LIMD1: variants seen among roughly 807,000 people sequenced by gnomAD.
LIMD1 encodes LIM domain-containing protein 1.
LIMD1 carries 23 observed loss-of-function variants against 58.4 expected under a neutral mutation model. The ratio of observed to expected loss-of-function variants is 0.39; its 90% CI spans 0.28 to 0.56. The LOEUF is 0.56. Ranked by LOEUF, LIMD1 falls within the 20% of genes least tolerant of loss-of-function variation. The probability of loss-of-function intolerance (pLI) is 0.57; values close to 1 mark genes in which losing one functional copy is unlikely to be tolerated. For missense variants in LIMD1, 838 were observed against 855.5 expected (o/e 0.98, Z 0.25); for synonymous variants, 334 against 345.5 (o/e 0.97, Z 0.37).
chr3:45,681,400 A>G lies in LIMD1; in HGVS notation c.*4341A>G, dbSNP rs1199510843. ...TGTGAAGGGTATGAGATTTTACCCTACTTGCAGGCTAATAAAGTGAGCACA... is the reference window on the plus strand; with the variant it reads ...TGTGAAGGGTATGAGATTTTACCCTGCTTGCAGGCTAATAAAGTGAGCACA... On this transcript the variant is annotated 3_prime_UTR_variant, in exon 8 of 8. Coordinates refer to ENST00000273317, the MANE Select transcript of LIMD1 (RefSeq NM_014240.3). 6.6e-6 allele frequency: 1 copy of G among 152,252 alleles called. No individual in the cohort carries two copies. The highest frequency in any genetic ancestry group is 1.9e-4 in the East Asian group (1 of 5,206). The allele number at this position is 152,252 out of a possible 1,614,324, so 9.4% of individuals were successfully genotyped here.
chr3:45,620,038 A>G (rs1267185328), intron 1 of LIMD1, among the ~76,000 whole-genome samples: 4 of 152,082 alleles, frequency 2.6e-5, no homozygotes, highest in African/African-American at 7.2e-5. Context: ...TGCTGGTGGG[A>G]AAACTGAACT....
At chr3:45,624,172 C>A (rs1175217861) in intron 1 of LIMD1, among the ~76,000 whole-genome samples, 2 of 152,200 alleles carry the variant, frequency 1.3e-5, no homozygotes, top group Non-Finnish European at 2.9e-5. Context: ...GCTGATCTTT[C>A]TAGCATCCCT....
Position 45,595,815 on chromosome 3 carries a change from A to G in LIMD1, c.936A>G (p.Pro312=). The G allele has an allele frequency of 6.2e-7, 1 of 1,614,152 alleles. No homozygotes were observed. The highest frequency in any genetic ancestry group is 1.1e-5 in the South Asian group (1 of 91,086). The part of the protein sequence containing the change: ...ALSCPRQGGL[P]RSNSGLGGEV... ...GCTGCCCCAGGCAAGGAGGTCTTCCAAGATCAAACTCGGGGCTGGGGGGTG... is the reference window on the plus strand; with the variant it reads ...GCTGCCCCAGGCAAGGAGGTCTTCCGAGATCAAACTCGGGGCTGGGGGGTG... The change falls in exon 1 of 8, where the codon CCA becomes CCG. Residue 312 remains proline (P), a synonymous_variant. Coordinates refer to ENST00000273317, the MANE Select transcript of LIMD1 (RefSeq NM_014240.3).
chr3:45,671,706 A>G (rs1697587287), intron 4 of LIMD1, among the ~76,000 whole-genome samples: 1 of 152,228 alleles, frequency 6.6e-6, no homozygotes, highest in Non-Finnish European at 1.5e-5. Flanking sequence ...CCTTACCCCC[A>G]GAGTTTCTGA....
rs978465371 is a variant in LIMD1, at chr3:45,685,492, G to A, written c.*8433G>A. The A allele has an allele frequency of 6.6e-5, 10 of 152,274 alleles. No homozygotes were observed. The highest frequency in any genetic ancestry group is 3.4e-3 in the Middle Eastern group (1 of 294). The allele number at this position is 152,274 out of a possible 1,614,324, so 9.4% of individuals were successfully genotyped here. Reference sequence around the variant, plus strand: ...AACTTAAACCCCTATTTTATTAAAGGAGAGGAAATGTCCAAGAGCCCAGAG... The same window carrying A: ...AACTTAAACCCCTATTTTATTAAAGAAGAGGAAATGTCCAAGAGCCCAGAG... On this transcript the variant is annotated 3_prime_UTR_variant, in exon 8 of 8. Coordinates refer to ENST00000273317, the MANE Select transcript of LIMD1 (RefSeq NM_014240.3).
In LIMD1 at chr3:45,678,191, T is replaced by C. The variant is rs1037776100; in HGVS notation, c.*1132T>C. 6.6e-6 allele frequency: 1 copy of C among 152,640 alleles called. No individual in the cohort carries two copies. Among genetic ancestry groups the C allele is most frequent in the African/African-American group, 2.4e-5 (1 of 41,436 alleles). 9.5% of individuals were successfully genotyped at this position (152,640 alleles called of 1,614,324 possible). A position where few individuals can be genotyped will look rare whatever the true frequency, so the allele number is the denominator to read the frequency against. ...GCTTTTGTCTGTTTAATTTTTTTAG[T>C]TGTTTCCCTTCACTTTCAGTCTTCC... On this transcript the variant is annotated 3_prime_UTR_variant, in exon 8 of 8. Coordinates refer to ENST00000273317, the MANE Select transcript of LIMD1 (RefSeq NM_014240.3).
chr3:45,636,289 C>T (rs759142475), intron 2 of LIMD1, 38 bp downstream of exon 2: 21 of 1,451,592 alleles, frequency 1.4e-5, no homozygotes, highest in African/African-American at 2.9e-5. Flanking sequence ...GTGGGGGATG[C>T]GTAAGGAACA....
intron 2 of LIMD1, among the ~76,000 whole-genome samples, chr3:45,640,480 T>C (rs1306438766): frequency 1.3e-5 from 2 of 152,162 alleles, no homozygotes; most frequent in Non-Finnish European, 2.9e-5. Context: ...CAGGCTGGAG[T>C]GCAGTGGCAT....
intron 2 of LIMD1, among the ~76,000 whole-genome samples, chr3:45,656,456 GA>G (rs11348607): frequency 0.16 from 17,101 of 109,974 alleles, 1,062 homozygotes; most frequent in Middle Eastern, 0.21. Context: ...TTCTCCATCA[GA>G]AAAAAAAAAA....
intron 4 of LIMD1, among the ~76,000 whole-genome samples, chr3:45,671,936 T>C (rs1263771258): frequency 6.6e-6 from 1 of 152,218 alleles, no homozygotes; most frequent in East Asian, 1.9e-4. Flanking sequence ...CCATCTCTTC[T>C]CTTTCCTGCT....
At chr3:45,627,611 C>G (rs35749363) in intron 1 of LIMD1, among the ~76,000 whole-genome samples, 7,382 of 149,578 alleles carry the variant, frequency 0.049, 213 homozygotes, top group East Asian at 0.14. Context: ...GTCAACATAG[C>G]GAGAACCCGT....
At chr3:45,615,819 C>T (rs1701570331) in intron 1 of LIMD1, among the ~76,000 whole-genome samples, 1 of 151,648 alleles carries the variant, frequency 6.6e-6, no homozygotes, top group Non-Finnish European at 1.5e-5. Context: ...CCCTTCTAAG[C>T]CTCCAATGTC....
intron 2 of LIMD1, among the ~76,000 whole-genome samples, chr3:45,644,266 A>G (rs747940513): frequency 3.7e-4 from 56 of 152,218 alleles, no homozygotes; most frequent in African/African-American, 1.3e-3. Flanking sequence ...CTTGCCAGCT[A>G]TTTTGTTTTT....
intron 2 of LIMD1, among the ~76,000 whole-genome samples, chr3:45,641,714 T>G (rs58765729): frequency 0.03 from 4,605 of 152,212 alleles, 76 homozygotes; most frequent in Non-Finnish European, 0.041. Flanking sequence ...TTTAGGCAGT[T>G]TATTACTTAC....
At chr3:45,645,680 C>T (rs1254216401) in intron 2 of LIMD1, among the ~76,000 whole-genome samples, 1 of 152,182 alleles carries the variant, frequency 6.6e-6, no homozygotes, top group Non-Finnish European at 1.5e-5. Flanking sequence ...GGAGTAAACT[C>T]TTTTACCTAG....
intron 1 of LIMD1, 126 bp from the exon 2 acceptor site, chr3:45,636,024 T>G (rs1191544145): frequency 1.3e-6 from 2 of 1,544,702 alleles, no homozygotes; most frequent in Non-Finnish European, 1.7e-6. Flanking sequence ...AAATGAGTCA[T>G]CCACTGGATT....
In LIMD1 at chr3:45,596,067, G is replaced by A; in HGVS notation, c.1188G>A (p.Leu396=). ...TSLVHPVMST[L]PELSCKEGPL... ...TTGTCCATCCAGTGATGTCCACCCT[G>A]CCTGAGTTATCTTGTAAAGAGGGTC... Residue 396 remains leucine, a synonymous_variant, in exon 1 of 8, where the codon CTG becomes CTA. Coordinates refer to ENST00000273317, the MANE Select transcript of LIMD1 (RefSeq NM_014240.3). 1 of 1,614,184 alleles carries A rather than the reference G, an allele frequency of 6.2e-7. No homozygotes were observed. The highest frequency in any genetic ancestry group is 8.5e-7 in the Non-Finnish European group (1 of 1,180,034).
At chr3:45,609,357 G>C (rs565732066) in intron 1 of LIMD1, among the ~76,000 whole-genome samples, 1 of 152,322 alleles carries the variant, frequency 6.6e-6, no homozygotes, top group South Asian at 2.1e-4. Flanking sequence ...CATATAACCT[G>C]GGGGAGCTTC....
chr3:45,598,326 A>G (rs2125646756), intron 1 of LIMD1, among the ~76,000 whole-genome samples: 1 of 152,314 alleles, frequency 6.6e-6, no homozygotes, highest in South Asian at 2.1e-4. Context: ...ACATTCCCAC[A>G]TTTGGGAGTA....
Sources: allele counts gnomAD v4.1 joint callset (sites outside exome capture counted in the v4.1 genomes callset), GRCh38; gene constraint gnomAD v4.1.1; transcripts MANE v1.5; gene names NCBI Gene and HGNC (gene_info 2026-07-23, HGNC 2026-07-21).